The following ANKRD55 variants were observed in gnomAD, a reference collection of about 807,000 sequenced individuals.
ANKRD55 encodes ankyrin repeat domain 55.
A neutral mutation model predicts 60.6 loss-of-function variants in ANKRD55; 41 were observed. The ratio of observed to expected loss-of-function variants is 0.68; its 90% CI spans 0.53 to 0.88. The LOEUF is 0.88. Among genes scored for constraint, ANKRD55 ranks in the 40% least tolerant of loss-of-function variants. ANKRD55 has a pLI of 0.00. For missense variants in ANKRD55, 732 were observed against 767.6 expected (o/e 0.95, Z 0.55); for synonymous variants, 264 against 290.3 (o/e 0.91, Z 0.92).
At chr5:56,193,102 A>G (rs1490689519) in intron 2 of ANKRD55, 1 of 711,548 alleles carries the variant, frequency 1.4e-6, no homozygotes, top group African/African-American at 1.8e-5. Flanking sequence ...TTCTTTCAAA[A>G]TATGATTCTA....
chr5:56,224,966 C>A (rs1245871980), intron 2 of ANKRD55, among the ~76,000 whole-genome samples: 3 of 152,178 alleles, frequency 2.0e-5, no homozygotes, highest in Non-Finnish European at 4.4e-5. Context: ...AGAGGAAATC[C>A]TCCCTAACTC....
chr5:56,207,787 G>A (rs917303599), intron 2 of ANKRD55, among the ~76,000 whole-genome samples: 3 of 152,146 alleles, frequency 2.0e-5, no homozygotes, highest in African/African-American at 7.2e-5. Flanking sequence ...TGAATGTGAA[G>A]GCCTAGGACA....
At chr5:56,186,112 C>A (rs1758967389) in intron 2 of ANKRD55, among the ~76,000 whole-genome samples, 2 of 152,176 alleles carry the variant, frequency 1.3e-5, no homozygotes, top group South Asian at 4.2e-4. Flanking sequence ...CTTGCACTGA[C>A]CAGCTGTGTG....
At chr5:56,206,038 C>T (rs1375666984) in intron 2 of ANKRD55, among the ~76,000 whole-genome samples, 3 of 148,776 alleles carry the variant, frequency 2.0e-5, no homozygotes, top group African/African-American at 2.5e-5. Flanking sequence ...TTTAGTGGTG[C>T]AATCACAGTT....
chr5:56,133,847 G>T (rs149694065), intron 7 of ANKRD55, among the ~76,000 whole-genome samples: 1 of 114,274 alleles, frequency 8.8e-6, no homozygotes, highest in African/African-American at 2.8e-5. Flanking sequence ...TATTAAAAAA[G>T]AAGAAAGATC....
intron 7 of ANKRD55, among the ~76,000 whole-genome samples, chr5:56,131,795 C>CAAA (rs34898025): frequency 0.23 from 6,065 of 26,808 alleles, 1,789 homozygotes; most frequent in Non-Finnish European, 0.29. Context: ...GACTCCGTCT[C>CAAA]AAAAAAAAAA....
At chr5:56,225,981 C>G (rs1001210591) in intron 2 of ANKRD55, among the ~76,000 whole-genome samples, 13 of 152,212 alleles carry the variant, frequency 8.5e-5, no homozygotes, top group African/African-American at 3.1e-4. Flanking sequence ...GAAAAAACTA[C>G]TTTAAAGTTC....
At chr5:56,206,160 A>C (rs1439301417) in intron 2 of ANKRD55, among the ~76,000 whole-genome samples, 5 of 150,962 alleles carry the variant, frequency 3.3e-5, no homozygotes, top group Non-Finnish European at 7.4e-5. Flanking sequence ...TATTTTTAGT[A>C]GACATGGGGC....
chr5:56,203,721 A>C (rs914780837), intron 2 of ANKRD55, among the ~76,000 whole-genome samples: 2 of 152,166 alleles, frequency 1.3e-5, no homozygotes, highest in East Asian at 1.9e-4. Flanking sequence ...ACATTTTCTT[A>C]ATCCAGTCTA....
chr5:56,229,337 G>A (rs942123679), intron 2 of ANKRD55, among the ~76,000 whole-genome samples: 14 of 152,096 alleles, frequency 9.2e-5, no homozygotes, highest in African/African-American at 3.4e-4. Flanking sequence ...CAGAAGAGAT[G>A]TTGCTATGGT....
chr5:56,141,267 T>C (rs1158365301), intron 7 of ANKRD55, among the ~76,000 whole-genome samples: 2 of 143,264 alleles, frequency 1.4e-5, no homozygotes, highest in African/African-American at 4.9e-5. Flanking sequence ...TCCCAGCCAA[T>C]ACAAATATTT....
At position 56,118,125 on chromosome 5, in the gene ANKRD55, A is replaced by G. The variant is rs985458620; in HGVS notation, c.798-1343T>C. On this transcript the variant is annotated intron_variant, in intron 8 of 11. Coordinates refer to ENST00000341048, the MANE Select transcript of ANKRD55 (RefSeq NM_024669.3). ...ACCACTGCACTCCATCATGGGCGAC[A>G]GAGCAAGACTCTGTCTCAAAAAAAA... Among the ~76,000 whole-genome samples the G allele has an allele frequency of 2.6e-5, 4 of 152,152 alleles. No individual in the cohort carries two copies. The East Asian group carries it at 7.7e-4, about 29-fold the overall frequency.
At chr5:56,226,549 C>T (rs1457007876) in intron 2 of ANKRD55, among the ~76,000 whole-genome samples, 1 of 152,060 alleles carries the variant, frequency 6.6e-6, no homozygotes, top group African/African-American at 2.4e-5. Flanking sequence ...AGTGAACAGG[C>T]AACCTGCAGA....
In ANKRD55 at chr5:56,232,955, G is replaced by C. The variant is rs754175917; in HGVS notation, c.-33-9C>G. ...AAAAAGCATCCAGGTCTCTAGAGAG[G>C]AGAAAACACCATCTCAAACCTTACT... On this transcript the variant is annotated splice_polypyrimidine_tract_variant and intron_variant, in intron 1 of 11. Transcript: ENST00000341048. 1.5e-5 allele frequency: 24 copies of C among 1,584,462 alleles called. No individual in the cohort carries two copies. Among genetic ancestry groups the C allele is most frequent in the Middle Eastern group, 1.7e-4 (1 of 6,016 alleles).
chr5:56,122,326 C>T (rs377451332), intron 8 of ANKRD55, among the ~76,000 whole-genome samples: 3 of 152,032 alleles, frequency 2.0e-5, no homozygotes, highest in South Asian at 2.1e-4. Context: ...AGGTACTGGA[C>T]GTTTGATTCT....
chr5:56,138,115 TG>T (rs1274792058), intron 7 of ANKRD55, among the ~76,000 whole-genome samples: 2 of 147,068 alleles, frequency 1.4e-5, no homozygotes, highest in Non-Finnish European at 3.0e-5. Flanking sequence ...GACAGTTTGG[TG>T]GTTTCTTTTT....
chr5:56,155,256 A>C (rs796940338), intron 6 of ANKRD55, among the ~76,000 whole-genome samples: 6 of 152,018 alleles, frequency 3.9e-5, no homozygotes, highest in African/African-American at 1.4e-4. Flanking sequence ...CGAGCCCAGC[A>C]GAGGAGGTTG....
chr5:56,139,573 C>G (rs1757698545), intron 7 of ANKRD55, among the ~76,000 whole-genome samples: 1 of 152,132 alleles, frequency 6.6e-6, no homozygotes, highest in Non-Finnish European at 1.5e-5. Context: ...AATGGAAGAG[C>G]ATGACAGCAG....
intron 2 of ANKRD55, chr5:56,192,552 C>A: frequency 2.6e-6 from 1 of 384,870 alleles, no homozygotes. Flanking sequence ...TCCGAGATGG[C>A]CTCTAAATCC....
Sources: gnomAD v4.1 joint callset for allele counts (sites outside exome capture counted in the v4.1 genomes callset) on GRCh38, gnomAD v4.1.1 for gene constraint, MANE v1.5 for transcripts, NCBI Gene and HGNC (gene_info 2026-07-23, HGNC 2026-07-21) for gene names.